Variants in DRAM1 observed in about 807,000 individuals in gnomAD.
The protein encoded by DRAM1 is DNA damage regulated autophagy modulator 1.
Under a neutral mutation model 28.5 loss-of-function variants are expected in DRAM1, and 25 were observed. The observed-to-expected ratio is 0.88, with a 90% confidence interval of 0.64 to 1.23. The LOEUF (loss-of-function observed/expected upper bound fraction) is 1.23. DRAM1 is among the 50% of genes most tolerant of loss of function. The pLI is 0.00. For missense variants in DRAM1, 249 were observed against 299.2 expected (o/e 0.83, Z 1.24); for synonymous variants, 113 against 114.2 (o/e 0.99, Z 0.07).
chr12:101,885,430 C>G (rs1159395896), intron 1 of DRAM1, among the ~76,000 whole-genome samples: 1 of 151,968 alleles, frequency 6.6e-6, no homozygotes, highest in African/African-American at 2.4e-5. Context: ...TGGTTTAACA[C>G]CAGGTTTCCC....
At chr12:101,893,697 TGATATATGGTAA>T (rs1296060459) in intron 1 of DRAM1, among the ~76,000 whole-genome samples, 1 of 152,132 alleles carries the variant, frequency 6.6e-6, no homozygotes, top group Non-Finnish European at 1.5e-5. Flanking sequence ...TGAAATGAAC[TGATATATGGTAA>T]GCACCTAATG....
At chr12:101,917,610 C>T (rs969472348) in intron 5 of DRAM1, among the ~76,000 whole-genome samples, 1 of 150,788 alleles carries the variant, frequency 6.6e-6, no homozygotes, top group Non-Finnish European at 1.5e-5. Flanking sequence ...TGCTTGTACC[C>T]AGGAGTTGGA....
chr12:101,910,257 A>C (rs566817800), intron 4 of DRAM1, among the ~76,000 whole-genome samples: 3 of 152,314 alleles, frequency 2.0e-5, no homozygotes, highest in South Asian at 2.1e-4. Context: ...TTAAAGGAAC[A>C]CTTTCTCTTT....
At chr12:101,914,627 C>A (rs1451653756) in intron 5 of DRAM1, among the ~76,000 whole-genome samples, 2 of 151,942 alleles carry the variant, frequency 1.3e-5, no homozygotes, top group Non-Finnish European at 1.5e-5. Context: ...GGACTACAGG[C>A]ACCTGCCACA....
chr12:101,911,268 C>T (rs553482680), intron 4 of DRAM1, among the ~76,000 whole-genome samples: 7 of 152,270 alleles, frequency 4.6e-5, no homozygotes, highest in Admixed American at 2.6e-4. Flanking sequence ...TTAAAATGCC[C>T]TGGTTTCTTC....
Position 101,896,146 on chromosome 12 carries a change from C to T in DRAM1, c.132-1717C>T, listed in dbSNP as rs560008500. On this transcript the variant is annotated intron_variant, in intron 1 of 6. Coordinates refer to ENST00000258534, the MANE Select transcript of DRAM1 (RefSeq NM_018370.3). ...CAGGTGATCCACCTGCCTCGACCTC[C>T]GAAAGTGCTGGGATTACAGGCGTGG... Among the ~76,000 whole-genome samples the T allele has an allele frequency of 5.0e-3, 766 of 152,324 alleles. 3 individuals carry two copies. The highest frequency in any genetic ancestry group is 0.01 in the Middle Eastern group (3 of 294).
chr12:101,888,786 A>ATTTT (rs34825466), intron 1 of DRAM1, among the ~76,000 whole-genome samples: 4 of 107,938 alleles, frequency 3.7e-5, no homozygotes, highest in East Asian at 2.4e-4. Context: ...AAACATCTCA[A>ATTTT]TTTTTTTTTT....
intron 2 of DRAM1, among the ~76,000 whole-genome samples, chr12:101,898,331 A>C (rs1021949058): frequency 6.6e-6 from 1 of 152,094 alleles, no homozygotes; most frequent in Non-Finnish European, 1.5e-5. Context: ...CTTGTGTATA[A>C]TTTTTTTAAA....
At chr12:101,884,443 T>C (rs1387375543) in intron 1 of DRAM1, among the ~76,000 whole-genome samples, 1 of 152,080 alleles carries the variant, frequency 6.6e-6, no homozygotes, top group Non-Finnish European at 1.5e-5. Flanking sequence ...GCTTAACTTG[T>C]TATAGTTTCT....
chr12:101,917,046 CTA>C (rs1204974314), intron 5 of DRAM1, among the ~76,000 whole-genome samples: 5 of 152,236 alleles, frequency 3.3e-5, no homozygotes, highest in African/African-American at 4.8e-5. Context: ...AAATGGCTAA[CTA>C]TGGCATATGC....
chr12:101,908,893 C>CAAAAAAAAAAA (rs56843086), intron 4 of DRAM1, among the ~76,000 whole-genome samples: 1 of 70,892 alleles, frequency 1.4e-5, no homozygotes, highest in Non-Finnish European at 3.0e-5. Context: ...TCCCCACAAC[C>CAAAAAAAAAAA]AAAAAAAAAA....
chr12:101,887,643 G>A (rs1872937086), intron 1 of DRAM1, among the ~76,000 whole-genome samples: 1 of 151,652 alleles, frequency 6.6e-6, no homozygotes, highest in African/African-American at 2.4e-5. Flanking sequence ...TGATTCTCTG[G>A]CCTCAACCCC....
rs528144990 is a variant in DRAM1, at chr12:101,921,551, T to G, written c.*291T>G. ...TAAGGTGTTACAAAAAATGGAGAGC[T>G]CTTATTTTTGTACAGATTCTGTCGT... On this transcript the variant is annotated 3_prime_UTR_variant, in exon 7 of 7. Coordinates refer to ENST00000258534, the MANE Select transcript of DRAM1 (RefSeq NM_018370.3). The G allele has an allele frequency of 4.5e-5, 11 of 243,508 alleles. No homozygotes were observed. The East Asian group carries it at 8.7e-4, about 19-fold the overall frequency. 15.1% of individuals were successfully genotyped at this position (243,508 alleles called of 1,614,324 possible).
chr12:101,898,025 A>G (rs996168665), intron 2 of DRAM1, 95 bp downstream of exon 2: 1 of 731,866 alleles, frequency 1.4e-6, no homozygotes, highest in Middle Eastern at 4.1e-4. Context: ...TTTTTATTTT[A>G]TTTTATTTAT....
chr12:101,877,705 C>G lies in DRAM1; in HGVS notation c.-85C>G. On this transcript the variant is annotated 5_prime_UTR_variant, in exon 1 of 7. Transcript: ENST00000258534. The surrounding 1 kb of genome is among the most constrained non-coding windows in gnomAD (Gnocchi z 4.1). ...TCCCACCGTCCGTGAGTGTACGCGC[C>G]CGGCCGCCGCCTCCAGGCAGCCCGG... The G allele has an allele frequency of 8.7e-7, 1 of 1,147,184 alleles. No individual in the cohort carries two copies. The highest frequency in any genetic ancestry group is 1.1e-6 in the Non-Finnish European group (1 of 908,718). The allele number at this position is 1,147,184 out of a possible 1,614,324, so 71.1% of individuals were successfully genotyped here.
intron 1 of DRAM1, among the ~76,000 whole-genome samples, chr12:101,895,804 T>TC (rs1873346016): frequency 6.6e-6 from 1 of 151,258 alleles, no homozygotes; most frequent in African/African-American, 2.4e-5. Context: ...ACTCCTGACC[T>TC]CGTGATCCAC....
intron 1 of DRAM1, among the ~76,000 whole-genome samples, chr12:101,883,311 TA>T (rs1566119341): frequency 1.6e-5 from 2 of 124,758 alleles, no homozygotes; most frequent in African/African-American, 5.9e-5. Context: ...TTTACCCAAA[TA>T]GGTTTTTTTT....
intron 1 of DRAM1, among the ~76,000 whole-genome samples, chr12:101,886,359 A>G (rs373776473): frequency 6.6e-6 from 1 of 152,186 alleles, no homozygotes; most frequent in Admixed American, 6.5e-5. Context: ...TTGGTTAATA[A>G]TTGCACGTAC....
intron 5 of DRAM1, among the ~76,000 whole-genome samples, chr12:101,919,074 ACC>A (rs1874368295): frequency 6.6e-6 from 1 of 151,666 alleles, no homozygotes; most frequent in Admixed American, 6.6e-5. Context: ...GGCGCAGGCC[ACC>A]CCACCCAGCT....
Sources: allele counts gnomAD v4.1 joint callset (sites outside exome capture counted in the v4.1 genomes callset), GRCh38; gene constraint gnomAD v4.1.1; non-coding constraint Gnocchi (gnomAD v3.1); transcripts MANE v1.5; gene names NCBI Gene and HGNC (gene_info 2026-07-23, HGNC 2026-07-21).